The following DACH2 variants were observed in gnomAD, a reference collection of about 807,000 sequenced individuals.
The protein encoded by DACH2 is dachshund family transcription factor 2.
In DACH2, 17 loss-of-function variants were observed where a neutral mutation model predicts 35.8. The observed-to-expected ratio is 0.48, with a 90% CI of 0.33 to 0.71. The LOEUF is 0.71. Among genes scored for constraint, DACH2 ranks in the 30% least tolerant of loss-of-function variants. DACH2 has a pLI of 0.02. For missense variants in DACH2, 469 were observed against 472.7 expected, an observed-to-expected ratio of 0.99 and a Z score of 0.07; for synonymous variants, 195 against 177.3, an observed-to-expected ratio of 1.10 and a Z score of -0.79.
intron 1 of DACH2, among the ~76,000 whole-genome samples, chrX:86,340,698 A>C (rs753830439): frequency 3.6e-4 from 40 of 112,169 alleles, no homozygotes; most frequent in Non-Finnish European, 3.0e-4. Context: ...CTTACAAAAA[A>C]CAGTTTGCCA....
At chrX:86,785,938 G>T (rs1344843216) in intron 7 of DACH2, among the ~76,000 whole-genome samples, 1 of 111,461 alleles carries the variant, frequency 9.0e-6, no homozygotes, top group African/African-American at 3.3e-5. Flanking sequence ...CCAGAAACAA[G>T]ATTTGATGAT....
chrX:86,294,539 C>T (rs2034396946), intron 1 of DACH2, among the ~76,000 whole-genome samples: 2 of 110,042 alleles, frequency 1.8e-5, no homozygotes, highest in Admixed American at 9.7e-5. Flanking sequence ...TCTGTTTTTT[C>T]CCCATCTTTG....
chrX:86,799,946 C>T (rs984972645), intron 7 of DACH2, among the ~76,000 whole-genome samples: 1 of 111,468 alleles, frequency 9.0e-6, no homozygotes, highest in Non-Finnish European at 1.9e-5. Flanking sequence ...CCCACAAACA[C>T]TCTGAGGTAG....
intron 7 of DACH2, among the ~76,000 whole-genome samples, chrX:86,759,428 G>A (rs886524566): frequency 9.0e-6 from 1 of 111,118 alleles, no homozygotes; most frequent in African/African-American, 3.3e-5. Flanking sequence ...TTTTATCTAA[G>A]TATAGCTACT....
At chrX:86,801,214 T>C (rs1202148827) in intron 7 of DACH2, among the ~76,000 whole-genome samples, 1 of 93,119 alleles carries the variant, frequency 1.1e-5, no homozygotes, top group Non-Finnish European at 2.1e-5. Context: ...AGTGCATCAA[T>C]TTTTTTTTTT....
intron 3 of DACH2, among the ~76,000 whole-genome samples, chrX:86,520,495 A>G (rs756801172): frequency 2.7e-5 from 3 of 111,310 alleles, no homozygotes; most frequent in South Asian, 7.6e-4. Flanking sequence ...TAATACTTTC[A>G]TTGGAGGGCT....
At chrX:86,820,472 T>C (rs1284260229) in intron 11 of DACH2, among the ~76,000 whole-genome samples, 1 of 110,326 alleles carries the variant, frequency 9.1e-6, no homozygotes, top group Non-Finnish European at 1.9e-5. Context: ...CCTTTTTTTT[T>C]TCCTGAACCA....
intron 1 of DACH2, among the ~76,000 whole-genome samples, chrX:86,185,748 A>C (rs957910433): frequency 3.6e-5 from 4 of 111,620 alleles, no homozygotes; most frequent in Non-Finnish European, 7.5e-5. Flanking sequence ...ATGTTAAATA[A>C]TTTTCTAACA....
At chrX:86,450,059 C>A (rs368057965) in intron 2 of DACH2, among the ~76,000 whole-genome samples, 51 of 111,159 alleles carry the variant, frequency 4.6e-4, no homozygotes, top group South Asian at 7.5e-4. Context: ...CCTTTTATGT[C>A]TTTTTTTCTT....
rs1004948437 is a variant in DACH2, at chrX:86,612,185, C to G, written c.641-38851C>G. On this transcript the variant is annotated intron_variant, in intron 3 of 11. Coordinates refer to ENST00000373125, the MANE Select transcript of DACH2 (RefSeq NM_053281.3). ...GCCTGGAATGGGGGGCCTTGCCACT[C>G]TGTCTGGGACCCTATCCTACGTGAC... Among the ~76,000 whole-genome samples the G allele has an allele frequency of 4.6e-5, 5 of 108,250 alleles. No homozygotes were observed. The South Asian group carries it at 2.1e-3, about 45-fold the overall frequency. 94.0% of individuals were successfully genotyped at this position (108,250 alleles called of 115,157 possible). A position where few individuals can be genotyped will look rare whatever the true frequency, so the allele number is the denominator to read the frequency against.
chrX:86,467,792 G>A (rs770217634), intron 2 of DACH2, among the ~76,000 whole-genome samples: 2 of 112,011 alleles, frequency 1.8e-5, no homozygotes, highest in Non-Finnish European at 3.8e-5. Flanking sequence ...GGAAGGGAAA[G>A]GAAACACATT....
chrX:86,593,969 C>T (rs759568446), intron 3 of DACH2, among the ~76,000 whole-genome samples: 21 of 110,892 alleles, frequency 1.9e-4, no homozygotes, highest in Non-Finnish European at 2.8e-4. Context: ...GTACACCCAT[C>T]GTAGCCTGGT....
At chrX:86,634,917 C>A (rs2040243717) in intron 3 of DACH2, among the ~76,000 whole-genome samples, 1 of 111,219 alleles carries the variant, frequency 9.0e-6, no homozygotes, top group South Asian at 3.7e-4. Context: ...AGTCTCATAG[C>A]TGAATTACAC....
intron 7 of DACH2, among the ~76,000 whole-genome samples, chrX:86,751,124 C>T: frequency 9.0e-6 from 1 of 110,590 alleles, no homozygotes; most frequent in South Asian, 3.8e-4. Context: ...TCTATGATAC[C>T]AAAACTTGGC....
chrX:86,699,265 G>A (rs752884176), intron 5 of DACH2, among the ~76,000 whole-genome samples: 4 of 112,092 alleles, frequency 3.6e-5, no homozygotes, highest in Non-Finnish European at 7.5e-5. Flanking sequence ...CATTCTTCTC[G>A]TCAGCACATG....
At chrX:86,830,028 C>T (rs945985831) in intron 11 of DACH2, 9 of 111,312 alleles carry the variant, frequency 8.1e-5, no homozygotes, top group African/African-American at 2.6e-4. Context: ...TACTAATTAG[C>T]TGTTTCCTGT....
At chrX:86,439,307 G>T (rs765858467) in intron 2 of DACH2, among the ~76,000 whole-genome samples, 2 of 111,801 alleles carry the variant, frequency 1.8e-5, no homozygotes, top group South Asian at 7.5e-4. Context: ...TCAGTCCCTT[G>T]TTGGATGAAT....
chrX:86,180,040 G>A (rs2031425243), intron 1 of DACH2, among the ~76,000 whole-genome samples: 1 of 106,509 alleles, frequency 9.4e-6, no homozygotes, highest in Non-Finnish European at 1.9e-5. Flanking sequence ...TAGCACATTA[G>A]TCCTATTTAG....
chrX:86,336,820 G>C (rs1009853203), intron 1 of DACH2, among the ~76,000 whole-genome samples: 34 of 109,606 alleles, frequency 3.1e-4, no homozygotes, highest in African/African-American at 1.1e-3. Flanking sequence ...AGAAAGCTAA[G>C]AACCTTGAAA....
Sources: gnomAD v4.1 joint callset for allele counts (sites outside exome capture counted in the v4.1 genomes callset) on GRCh38, gnomAD v4.1.1 for gene constraint, MANE v1.5 for transcripts, NCBI Gene and HGNC (gene_info 2026-07-23, HGNC 2026-07-21) for gene names.